Variants in ZNF423 observed in about 807,000 individuals in gnomAD.
ZNF423 encodes zinc finger protein 423, also known as Ebf-associated zinc finger protein.
Under a neutral mutation model 95.8 loss-of-function variants are expected in ZNF423, and 12 were observed. The ratio of observed to expected loss-of-function variants is 0.13; its 90% confidence interval spans 0.08 to 0.20. The LOEUF (loss-of-function observed/expected upper bound fraction) is 0.20. Among genes scored for constraint, ZNF423 ranks in the 10% least tolerant of loss-of-function variants. The pLI is 1.00. For synonymous variants in ZNF423, 749 were observed against 711.9 expected (o/e 1.05, Z -0.83); for missense variants, 1,316 against 1,737.1 (o/e 0.76, Z 4.31).
At chr16:49,662,653 T>A (rs1452198295) in intron 3 of ZNF423, among the ~76,000 whole-genome samples, 2 of 152,140 alleles carry the variant, frequency 1.3e-5, no homozygotes, top group Non-Finnish European at 2.9e-5. Flanking sequence ...AAATCACGTG[T>A]TGCTATGAAG....
chr16:49,502,616 A>G (rs192150424), intron 7 of ZNF423, among the ~76,000 whole-genome samples: 255 of 151,954 alleles, frequency 1.7e-3, no homozygotes, highest in Non-Finnish European at 1.0e-3. Flanking sequence ...CCTTGCTTCA[A>G]AGGACCTGAG....
chr16:49,716,032 G>A (rs1330329241), intron 3 of ZNF423, among the ~76,000 whole-genome samples: 1 of 152,018 alleles, frequency 6.6e-6, no homozygotes, highest in African/African-American at 2.4e-5. Flanking sequence ...AGCCGCAAGA[G>A]GCACAGGGCC....
intron 1 of ZNF423, among the ~76,000 whole-genome samples, chr16:49,799,766 C>T (rs1419626441): frequency 6.6e-6 from 1 of 152,134 alleles, no homozygotes; most frequent in South Asian, 2.1e-4. Context: ...GTGTGAAACA[C>T]TTGAAGTTTT....
intron 7 of ZNF423, among the ~76,000 whole-genome samples, chr16:49,509,706 C>T (rs557895575): frequency 2.3e-4 from 35 of 152,102 alleles, no homozygotes; most frequent in Admixed American, 6.5e-4. Flanking sequence ...CAGCCATCCC[C>T]GCTCCCAATA....
intron 5 of ZNF423, among the ~76,000 whole-genome samples, chr16:49,576,560 C>G (rs1970508139): frequency 6.6e-6 from 1 of 152,194 alleles, no homozygotes; most frequent in Non-Finnish European, 1.5e-5. Flanking sequence ...CACTGCAGTC[C>G]GTAGCTCAAG....
intron 5 of ZNF423, among the ~76,000 whole-genome samples, chr16:49,612,264 T>C (rs1404208725): frequency 1.3e-5 from 2 of 151,776 alleles, no homozygotes; most frequent in Non-Finnish European, 2.9e-5. Context: ...CAGTTAGCAA[T>C]ATATAAAAAG....
intron 1 of ZNF423, among the ~76,000 whole-genome samples, chr16:49,819,303 A>G (rs989937242): frequency 2.0e-5 from 3 of 151,706 alleles, no homozygotes; most frequent in African/African-American, 7.3e-5. Context: ...CCAGGTTTCA[A>G]ATGCTCAAAA....
chr16:49,695,452 C>T (rs916991382), intron 3 of ZNF423, among the ~76,000 whole-genome samples: 12 of 152,256 alleles, frequency 7.9e-5, no homozygotes, highest in African/African-American at 2.4e-4. Flanking sequence ...CGCCACCAAG[C>T]CCGGCTAATT....
chr16:49,578,466 C>T (rs1970565233), intron 5 of ZNF423, among the ~76,000 whole-genome samples: 1 of 152,222 alleles, frequency 6.6e-6, no homozygotes, highest in Admixed American at 6.5e-5. Context: ...GACACTCATC[C>T]CTGTCTGAAA....
chr16:49,729,021 G>A (rs966099560), intron 3 of ZNF423, among the ~76,000 whole-genome samples: 27 of 152,148 alleles, frequency 1.8e-4, no homozygotes, highest in African/African-American at 2.7e-4. Flanking sequence ...ATGAGCCATC[G>A]TGCCCAGCCC....
chr16:49,755,360 G>A (rs2033707148), intron 2 of ZNF423, among the ~76,000 whole-genome samples: 1 of 152,154 alleles, frequency 6.6e-6, no homozygotes, highest in East Asian at 1.9e-4. Context: ...TTTCTAATCT[G>A]CTTGCCGCTT....
chr16:49,607,612 T>C lies in ZNF423; in HGVS notation c.3601+18558A>G, dbSNP rs138938183. On this transcript the variant is annotated intron_variant, in intron 5 of 7. Transcript: ENST00000563137. Reference sequence around the variant, plus strand: ...GGGCTGGATAATGGGGTTGTTTTAGTCATATGAAAGTAAGGATCATTCTGT... The same window carrying C: ...GGGCTGGATAATGGGGTTGTTTTAGCCATATGAAAGTAAGGATCATTCTGT... Among the ~76,000 whole-genome samples, 153 of 152,330 alleles carry C rather than the reference T, an allele frequency of 1.0e-3. 1 individual carries two copies. The highest frequency in any genetic ancestry group is 3.5e-3 in the African/African-American group (147 of 41,578).
intron 2 of ZNF423, among the ~76,000 whole-genome samples, chr16:49,773,136 T>C (rs1483269872): frequency 6.6e-6 from 1 of 152,142 alleles, no homozygotes; most frequent in Non-Finnish European, 1.5e-5. Flanking sequence ...CTGGCCAACA[T>C]GGCAAAACCC....
intron 7 of ZNF423, among the ~76,000 whole-genome samples, chr16:49,493,232 C>T (rs1967042599): frequency 1.3e-5 from 2 of 152,126 alleles, no homozygotes; most frequent in Admixed American, 6.5e-5. Flanking sequence ...ACTCAGTTCC[C>T]GCCTCCCTTC....
intron 5 of ZNF423, among the ~76,000 whole-genome samples, chr16:49,545,036 C>A (rs1969392190): frequency 6.6e-6 from 1 of 152,264 alleles, no homozygotes; most frequent in Non-Finnish European, 1.5e-5. Context: ...TCCCACTCCA[C>A]ACATGGAGAA....
chr16:49,532,876 A>C (rs776090093), intron 5 of ZNF423, among the ~76,000 whole-genome samples: 2 of 152,184 alleles, frequency 1.3e-5, no homozygotes, highest in Non-Finnish European at 2.9e-5. Flanking sequence ...AATGCTGTCG[A>C]CACCGCAATA....
chr16:49,618,835 C>T (rs1971964618), intron 5 of ZNF423, among the ~76,000 whole-genome samples: 1 of 152,070 alleles, frequency 6.6e-6, no homozygotes, highest in Non-Finnish European at 1.5e-5. Context: ...TAACTTCTCC[C>T]CCTCCCATGT....
intron 1 of ZNF423, among the ~76,000 whole-genome samples, chr16:49,816,243 G>A (rs937642449): frequency 6.6e-6 from 1 of 152,028 alleles, no homozygotes; most frequent in African/African-American, 2.4e-5. Flanking sequence ...ATCCTGAGCA[G>A]CCAAGAAAAC....
At chr16:49,698,781 C>G (rs927277855) in intron 3 of ZNF423, among the ~76,000 whole-genome samples, 8 of 152,194 alleles carry the variant, frequency 5.3e-5, no homozygotes, top group Admixed American at 3.3e-4. Context: ...GCCGCGCTGC[C>G]GAGCCCGGCC....
Sources: allele counts gnomAD v4.1 joint callset (sites outside exome capture counted in the v4.1 genomes callset), GRCh38; gene constraint gnomAD v4.1.1; transcripts MANE v1.5; gene names NCBI Gene and HGNC (gene_info 2026-07-23, HGNC 2026-07-21).